Variants in DMGDH observed in about 807,000 individuals in gnomAD.
The protein encoded by DMGDH is dimethylglycine dehydrogenase, mitochondrial.
DMGDH carries 76 observed loss-of-function variants against 95.2 expected under a neutral mutation model. The observed-to-expected ratio is 0.80, with a 90% CI of 0.66 to 0.97. The LOEUF (loss-of-function observed/expected upper bound fraction) is 0.97. Among genes scored for constraint, DMGDH ranks in the 50% least tolerant of loss-of-function variants. The pLI is 0.00. For synonymous variants in DMGDH, 345 were observed against 377.6 expected, an observed-to-expected ratio of 0.91 and a Z score of 1.00; for missense variants, 987 against 1,055.0, an observed-to-expected ratio of 0.94 and a Z score of 0.89.
intron 6 of DMGDH, among the ~76,000 whole-genome samples, chr5:79,043,811 T>C (rs535554524): frequency 1.2e-4 from 18 of 152,310 alleles, no homozygotes; most frequent in South Asian, 8.3e-4. Context: ...CTTTTCCATA[T>C]CCACTTATGT....
rs200216040 is a variant in DMGDH, at chr5:79,044,442, G to A, written c.856C>T (p.Arg286Ter). 212 of 1,614,112 alleles carry A rather than the reference G, an allele frequency of 1.3e-4. No homozygotes were observed. In the East Asian group the frequency reaches 3.0e-3, roughly 23 times the overall value. ...STISEVKALKRELPVLRDLEG... is the reference protein window; with the variant it reads ...STISEVKALK ...AGGTCACGGAGCACAGGCAGTTCTC[G>A]TTTCAAAGCTTTCACTTCAGATATA... Residue 286 changes from arginine (R) to a stop codon, truncating the protein, a stop_gained, in exon 6 of 16, where the codon CGA becomes TGA. Transcript: ENST00000255189. LOFTEE classifies it high-confidence loss of function.
intron 2 of DMGDH, among the ~76,000 whole-genome samples, chr5:79,057,875 G>T (rs1755078408): frequency 6.6e-6 from 1 of 152,078 alleles, no homozygotes. Flanking sequence ...CACTCCTCAA[G>T]ATCCTGTAAG....
chr5:79,024,142 G>T, intron 14 of DMGDH, 129 bp downstream of exon 14: 1 of 803,144 alleles, frequency 1.2e-6, no homozygotes, highest in Middle Eastern at 2.6e-4. Context: ...ATTGAGCAAT[G>T]CTAGTATTTA....
At chr5:79,030,785 T>A (rs1754144647) in intron 10 of DMGDH, 48 bp downstream of exon 10, 7 of 1,601,196 alleles carry the variant, frequency 4.4e-6, no homozygotes, top group Non-Finnish European at 5.1e-6. Flanking sequence ...GGATGAAGAA[T>A]TAAATAGGTC....
intron 14 of DMGDH, among the ~76,000 whole-genome samples, chr5:79,018,724 T>G (rs1432772051): frequency 6.6e-6 from 1 of 152,188 alleles, no homozygotes; most frequent in East Asian, 1.9e-4. Flanking sequence ...AAAAATTATT[T>G]CAATTCATTC....
chr5:79,000,074 C>T (rs1190982080), intron 15 of DMGDH: 1 of 364,506 alleles, frequency 2.7e-6, no homozygotes, highest in African/African-American at 2.1e-5. Context: ...AGTGGATACT[C>T]CTGGATTTTC....
chr5:79,025,929 T>C (rs1009273449), intron 13 of DMGDH, among the ~76,000 whole-genome samples: 1 of 152,196 alleles, frequency 6.6e-6, no homozygotes, highest in Non-Finnish European at 1.5e-5. Flanking sequence ...AATGAAATCA[T>C]GCATATGAAA....
rs146131450 is a variant in DMGDH, at chr5:79,030,818, T to C, written c.1683+15A>G. The C allele has an allele frequency of 4.3e-6, 7 of 1,613,878 alleles. No homozygotes were observed. In the African/African-American group the frequency reaches 8.0e-5, roughly 18 times the overall value. On this transcript the variant is annotated intron_variant, in intron 10 of 15. Transcript: ENST00000255189. ...GTCAGAATCCTGGACCTTGTATCCC[T>C]ACAAGGCTATTTACCTTTGGAATGA...
chr5:79,054,953 C>T (rs1754980742), intron 3 of DMGDH, among the ~76,000 whole-genome samples: 1 of 152,160 alleles, frequency 6.6e-6, no homozygotes, highest in African/African-American at 2.4e-5. Context: ...TGCACAAATG[C>T]TCTGAGAACC....
At chr5:79,058,792 CAATT>C (rs1416612583) in intron 2 of DMGDH, among the ~76,000 whole-genome samples, 1 of 152,164 alleles carries the variant, frequency 6.6e-6, no homozygotes, top group Non-Finnish European at 1.5e-5. Flanking sequence ...CTTAGACTGA[CAATT>C]AATAAGATAG....
chr5:79,001,522 G>A lies in DMGDH; in HGVS notation c.2386-3225C>T, dbSNP rs1430374479. 2.0e-5 allele frequency among the ~76,000 whole-genome samples: 3 copies of A among 152,140 alleles called. No individual in the cohort carries two copies. The East Asian group carries it at 5.8e-4, about 29-fold the overall frequency. On this transcript the variant is annotated intron_variant, in intron 15 of 15. Transcript: ENST00000255189. ...CTTGTTTTCATTTCCCCATCTGTAA[G>A]AAAGAGATTTGGGTTTGGAGCCCTG...
chr5:79,033,132 C>T, intron 8 of DMGDH, 107 bp downstream of exon 8: 1 of 1,421,366 alleles, frequency 7.0e-7, no homozygotes, highest in Non-Finnish European at 9.8e-7. Context: ...TTTTGGAGTC[C>T]CTAACTACCG....
intron 13 of DMGDH, among the ~76,000 whole-genome samples, chr5:79,025,462 T>C (rs904234278): frequency 1.3e-5 from 2 of 152,090 alleles, no homozygotes; most frequent in African/African-American, 4.8e-5. Context: ...TGCCCTTGGG[T>C]CTCTGCCTGG....
At chr5:79,024,840 A>G (rs1408654678) in intron 13 of DMGDH, among the ~76,000 whole-genome samples, 3 of 152,262 alleles carry the variant, frequency 2.0e-5, no homozygotes, top group Non-Finnish European at 4.4e-5. Context: ...TCACTGTAAT[A>G]GCTACCAAGT....
intron 8 of DMGDH, 145 bp downstream of exon 8, chr5:79,033,094 C>T (rs1225465626): frequency 9.6e-7 from 1 of 1,038,266 alleles, no homozygotes; most frequent in Non-Finnish European, 1.4e-6. Context: ...CATATATATT[C>T]CTTGTTATGT....
intron 14 of DMGDH, among the ~76,000 whole-genome samples, chr5:79,005,693 T>C (rs1034099808): frequency 1.3e-5 from 2 of 152,230 alleles, no homozygotes; most frequent in Middle Eastern, 3.4e-3. Flanking sequence ...GTTGCAATGG[T>C]GGATTATGAA....
chr5:79,042,413 T>C lies in DMGDH; in HGVS notation c.1063A>G (p.Met355Val), dbSNP rs748205108. Residue 355 changes from methionine (M) to valine (V), a missense_variant, in exon 7 of 16, where the codon ATG becomes GTG. Transcript: ENST00000255189. ...IMEHIKAAME[M>V]VPVLKKADII... ...TCAGCCTTTTTCAAGACAGGAACCA[T>C]TTCCATGGCAGCTTTGATGTGTTCC... The C allele has an allele frequency of 6.2e-7, 1 of 1,614,188 alleles. No individual in the cohort carries two copies. The highest frequency in any genetic ancestry group is 1.1e-5 in the South Asian group (1 of 91,088).
In DMGDH at chr5:79,043,691, C is replaced by T. The variant is rs143208705; in HGVS notation, c.994+613G>A. Among the ~76,000 whole-genome samples the T allele has an allele frequency of 4.3e-3, 660 of 152,310 alleles. 6 individuals carry two copies. Among genetic ancestry groups the T allele is most frequent in the African/African-American group, 0.015 (636 of 41,568 alleles). ...GTACCTCCTTAGATGACCCAATCTT[C>T]AATCTGGCTCTGTGGAAGTATTTCA... is the stretch of plus-strand genomic sequence containing the variant. On this transcript the variant is annotated intron_variant, in intron 6 of 15. Coordinates refer to ENST00000255189, the MANE Select transcript of DMGDH (RefSeq NM_013391.3).
chr5:79,041,099 T>A (rs1011764140), intron 7 of DMGDH, among the ~76,000 whole-genome samples: 23 of 152,258 alleles, frequency 1.5e-4, no homozygotes, highest in Non-Finnish European at 1.5e-5. Context: ...GCCATTTTTC[T>A]CTTTCCCTTC....
Sources: allele counts gnomAD v4.1 joint callset (sites outside exome capture counted in the v4.1 genomes callset), GRCh38; gene constraint gnomAD v4.1.1; transcripts MANE v1.5; gene names NCBI Gene and HGNC (gene_info 2026-07-23, HGNC 2026-07-21).